Variants in KAT6A observed in about 807,000 individuals in gnomAD.
The protein encoded by KAT6A is lysine acetyltransferase 6A, also known as histone acetyltransferase KAT6A.
KAT6A carries 9 observed loss-of-function variants against 198.4 expected under a neutral mutation model. The ratio of observed to expected loss-of-function variants is 0.05; its 90% CI spans 0.03 to 0.08. KAT6A has a LOEUF of 0.08. Among genes scored for constraint, KAT6A ranks in the 10% least tolerant of loss-of-function variants. The probability of loss-of-function intolerance (pLI) is 1.00; values close to 1 mark genes in which losing one functional copy is unlikely to be tolerated. For missense variants in KAT6A, 2,077 were observed against 2,509.9 expected, an observed-to-expected ratio of 0.83 and a Z score of 3.69; for synonymous variants, 890 against 883.0, an observed-to-expected ratio of 1.01 and a Z score of -0.14.
intron 2 of KAT6A, among the ~76,000 whole-genome samples, chr8:41,989,880 T>C (rs1824842126): frequency 6.6e-6 from 1 of 152,046 alleles, no homozygotes; most frequent in African/African-American, 2.4e-5. Flanking sequence ...CCAACACAAA[T>C]AAGCTAACAG....
At chr8:42,037,775 G>A (rs1050444384) in intron 2 of KAT6A, among the ~76,000 whole-genome samples, 10 of 144,888 alleles carry the variant, frequency 6.9e-5, no homozygotes, top group Admixed American at 4.3e-4. Flanking sequence ...TCTTAAAATC[G>A]CCCAGTTATT....
intron 2 of KAT6A, among the ~76,000 whole-genome samples, chr8:42,033,635 CCTGA>C (rs1827236836): frequency 6.6e-6 from 1 of 152,124 alleles, no homozygotes; most frequent in African/African-American, 2.4e-5. Flanking sequence ...AACAGACTTC[CCTGA>C]CTTTTTCCAC....
chr8:41,932,062 A>C lies in KAT6A; in HGVS notation c.*143T>G. 1 of 856,242 alleles carries C rather than the reference A, an allele frequency of 1.2e-6. No homozygotes were observed. The highest frequency in any genetic ancestry group is 1.6e-6 in the Non-Finnish European group (1 of 635,082). The allele number at this position is 856,242 out of a possible 1,614,324, so 53.0% of individuals were successfully genotyped here. A position where few individuals can be genotyped will look rare whatever the true frequency, so the allele number is the denominator to read the frequency against. ...AAAAAGAGAAGATCAGGTTTTCTAA[A>C]AAATAAAATAAACCAAAGAAAAATT... On this transcript the variant is annotated 3_prime_UTR_variant, in exon 17 of 17. Coordinates refer to ENST00000265713, the MANE Select transcript of KAT6A (RefSeq NM_006766.5).
intron 2 of KAT6A, among the ~76,000 whole-genome samples, chr8:42,002,722 A>G (rs904028111): frequency 6.6e-6 from 1 of 152,236 alleles, no homozygotes; most frequent in Non-Finnish European, 1.5e-5. Flanking sequence ...AGGCTATATA[A>G]CACTTCACTA....
At chr8:41,993,783 C>T (rs1825056330) in intron 2 of KAT6A, among the ~76,000 whole-genome samples, 1 of 152,126 alleles carries the variant, frequency 6.6e-6, no homozygotes, top group Non-Finnish European at 1.5e-5. Context: ...ATCAGTACAC[C>T]ATGATTTGTT....
At chr8:41,966,590 C>T (rs1446628919) in intron 8 of KAT6A, among the ~76,000 whole-genome samples, 1 of 152,084 alleles carries the variant, frequency 6.6e-6, no homozygotes, top group Non-Finnish European at 1.5e-5. Context: ...TACCTAAATC[C>T]TCATCATTCC....
At chr8:42,022,917 T>C (rs564449107) in intron 2 of KAT6A, among the ~76,000 whole-genome samples, 1 of 152,354 alleles carries the variant, frequency 6.6e-6, no homozygotes, top group Admixed American at 6.5e-5. Context: ...TGTCGCTTAA[T>C]GATGGGGATT....
In KAT6A at chr8:41,932,581, G is replaced by A. The variant is rs201870299; in HGVS notation, c.5639C>T (p.Ser1880Leu). The A allele has an allele frequency of 6.2e-6, 10 of 1,614,102 alleles. No individual in the cohort carries two copies. The highest frequency in any genetic ancestry group is 1.1e-5 in the South Asian group (1 of 91,082). Residue 1880 changes from serine (S) to leucine (L), a missense_variant, in exon 17 of 17, where the codon TCG (serine) becomes TTG (leucine). Physicochemically the swap from Ser to Leu is moderately radical, Grantham distance 145. Transcript: ENST00000265713. The stretch of plus-strand genomic sequence containing the variant: ...AGGGCCAGCCTGCATGGCAACTGCC[G>A]ATGGGCTACGGCCATACAGCTGCTG... ...HQQQLYGRSP[S>L]AVAMQAGPRA...
intron 2 of KAT6A, among the ~76,000 whole-genome samples, chr8:42,006,074 C>A (rs565842407): frequency 5.9e-5 from 9 of 152,276 alleles, no homozygotes; most frequent in African/African-American, 2.2e-4. Context: ...CAAAAGTATA[C>A]CATCAAATAA....
At chr8:42,001,837 G>A (rs1325687966) in intron 2 of KAT6A, among the ~76,000 whole-genome samples, 1 of 152,130 alleles carries the variant, frequency 6.6e-6, no homozygotes, top group East Asian at 1.9e-4. Flanking sequence ...GGAAATGCTT[G>A]GTTACCTATA....
intron 8 of KAT6A, among the ~76,000 whole-genome samples, chr8:41,963,012 C>T (rs1823288266): frequency 6.6e-6 from 1 of 152,090 alleles, no homozygotes; most frequent in Non-Finnish European, 1.5e-5. Context: ...TTAATCCTCT[C>T]CCTCTGAATT....
intron 2 of KAT6A, among the ~76,000 whole-genome samples, chr8:41,990,031 T>C (rs978434507): frequency 6.6e-6 from 1 of 151,584 alleles, no homozygotes; most frequent in Non-Finnish European, 1.5e-5. Context: ...AAAGACTTTA[T>C]CCAGCAGTAA....
At chr8:42,029,428 T>C (rs775020212) in intron 2 of KAT6A, among the ~76,000 whole-genome samples, 1 of 152,172 alleles carries the variant, frequency 6.6e-6, no homozygotes, top group Non-Finnish European at 1.5e-5. Flanking sequence ...CACATTATGG[T>C]GTCCCTCCCA....
In KAT6A at chr8:41,933,961, A is replaced by G. The variant is rs766891877; in HGVS notation, c.4259T>C (p.Leu1420Pro). The G allele has an allele frequency of 5.6e-6, 9 of 1,613,988 alleles. No individual in the cohort carries two copies. The South Asian group carries it at 9.9e-5, about 18-fold the overall frequency. ...KEEEEIPHSE[L>P]DLETVQAVQS... The stretch of plus-strand genomic sequence containing the variant: ...CACTGCCTGTACAGTTTCCAGATCC[A>G]GCTCACTATGAGGAATCTCTTCCTC... The change falls in exon 17 of 17, where the codon CTG (leucine) becomes CCG (proline). Residue 1420 changes from leucine (L) to proline (P), a missense_variant. Coordinates refer to ENST00000265713, the MANE Select transcript of KAT6A (RefSeq NM_006766.5). This position sits in a 1 kb window ranked among gnomAD's most constrained non-coding sequence, Gnocchi z 6.2.
Position 41,933,421 on chromosome 8 carries a change from T to C in KAT6A, c.4799A>G (p.Gln1600Arg). The C allele has an allele frequency of 6.2e-7, 1 of 1,611,650 alleles. No homozygotes were observed. The highest frequency in any genetic ancestry group is 8.5e-7 in the Non-Finnish European group (1 of 1,179,340). ...GGLSSSSSLT[Q>R]SSCVVTQQMA... ...CTGCTGAGTGACCACACAGCTGCTC[T>C]GGGTGAGGCTGCTGGAGGACGACAG... is the stretch of plus-strand genomic sequence containing the variant. The change falls in exon 17 of 17, where the codon CAG becomes CGG. Residue 1600 changes from glutamine to arginine, a missense_variant. Gln to Arg is a conservative substitution (Grantham distance 43). Transcript: ENST00000265713. This position sits in a 1 kb window ranked among gnomAD's most constrained non-coding sequence, Gnocchi z 6.2.
chr8:42,042,960 T>G, intron 2 of KAT6A, among the ~76,000 whole-genome samples: 1 of 152,210 alleles, frequency 6.6e-6, no homozygotes, highest in East Asian at 1.9e-4. Flanking sequence ...TATATAAAGA[T>G]AATTTTTTAA....
chr8:41,941,615 G>GT (rs1001241413), intron 14 of KAT6A, among the ~76,000 whole-genome samples, 171 bp from the exon 15 acceptor site: 6 of 152,110 alleles, frequency 3.9e-5, no homozygotes, highest in African/African-American at 1.2e-4. Context: ...TTTAAATTCT[G>GT]TATATGCATT....
rs541569404 is a variant in KAT6A at position 41,982,027 on chromosome 8, T to C, written c.710-73A>G. On this transcript the variant is annotated intron_variant, in intron 3 of 16. Transcript: ENST00000265713. ...TGCTATTATAGTACTAAAGAAATGA[T>C]GTAGAAAAAGGCAATCATCTTAAAT... is the stretch of plus-strand genomic sequence containing the variant. 8.3e-5 allele frequency: 71 copies of C among 853,660 alleles called. No homozygotes were observed. The South Asian group carries it at 1.0e-3, about 12-fold the overall frequency. 52.9% of individuals were successfully genotyped at this position (853,660 alleles called of 1,614,324 possible). A position where few individuals can be genotyped will look rare whatever the true frequency, so the allele number is the denominator to read the frequency against.
At position 41,933,024 on chromosome 8, in the gene KAT6A, A is replaced by G. The variant is rs1821635100; in HGVS notation, c.5196T>C (p.Tyr1732=). 1 of 1,613,592 alleles carries G rather than the reference A, an allele frequency of 6.2e-7. No homozygotes were observed. The highest frequency in any genetic ancestry group is 1.3e-5 in the African/African-American group (1 of 74,792). Residue 1732 remains tyrosine, a synonymous_variant, in exon 17 of 17, where the codon TAT becomes TAC. Transcript: ENST00000265713. This position sits in a 1 kb window ranked among gnomAD's most constrained non-coding sequence, Gnocchi z 6.2. ...CACCAAAATCCCCTGGAATCCTCTCATAGATACTTATGTTCCCAGTGCTTC... is the reference window on the plus strand; with the variant it reads ...CACCAAAATCCCCTGGAATCCTCTCGTAGATACTTATGTTCCCAGTGCTTC... ...ESGSTGNISI[Y]ERIPGDFGAG... is the part of the protein sequence containing the mutation.
Sources: allele counts gnomAD v4.1 joint callset (sites outside exome capture counted in the v4.1 genomes callset), GRCh38; gene constraint gnomAD v4.1.1; non-coding constraint Gnocchi (gnomAD v3.1); transcripts MANE v1.5; gene names NCBI Gene and HGNC (gene_info 2026-07-23, HGNC 2026-07-21).